Variants in CRPPA observed in about 807,000 individuals in gnomAD.
CRPPA encodes D-ribitol-5-phosphate cytidylyltransferase.
In CRPPA, 43 loss-of-function variants were observed where a neutral mutation model predicts 52.0. The observed-to-expected ratio is 0.83, with a 90% CI of 0.65 to 1.07. The LOEUF (loss-of-function observed/expected upper bound fraction) is 1.07. Ranked by LOEUF, CRPPA falls within the 50% of genes least tolerant of loss-of-function variation. The probability of loss-of-function intolerance (pLI) is 0.00; values close to 1 mark genes in which losing one functional copy is unlikely to be tolerated. For synonymous variants in CRPPA, 250 were observed against 203.5 expected, an observed-to-expected ratio of 1.23 and a Z score of -1.94; for missense variants, 629 against 551.7, an observed-to-expected ratio of 1.14 and a Z score of -1.40.
At chr7:16,099,432 G>A (rs1454640226) in intron 9 of CRPPA, among the ~76,000 whole-genome samples, 1 of 138,358 alleles carries the variant, frequency 7.2e-6, no homozygotes, top group Non-Finnish European at 1.6e-5. Context: ...GGGAAGGGGA[G>A]GGAAAAAGGA....
At chr7:16,096,571 T>A (rs998251021) in intron 9 of CRPPA, among the ~76,000 whole-genome samples, 4 of 151,880 alleles carry the variant, frequency 2.6e-5, no homozygotes, top group African/African-American at 2.4e-5. Flanking sequence ...AAAAAAAAAA[T>A]TTGTTTTATC....
chr7:16,155,486 G>A (rs1033402408), intron 9 of CRPPA, among the ~76,000 whole-genome samples: 3 of 152,128 alleles, frequency 2.0e-5, no homozygotes, highest in Non-Finnish European at 4.4e-5. Context: ...TTCTGCCTCT[G>A]CCACCCAACA....
chr7:16,407,770 T>C (rs1050160228), intron 1 of CRPPA, among the ~76,000 whole-genome samples: 3 of 152,164 alleles, frequency 2.0e-5, no homozygotes, highest in African/African-American at 7.2e-5. Context: ...TACTGCCTTT[T>C]CATTTTAAGC....
intron 8 of CRPPA, among the ~76,000 whole-genome samples, chr7:16,243,874 G>A (rs1237316670): frequency 6.6e-6 from 1 of 152,130 alleles, no homozygotes; most frequent in African/African-American, 2.4e-5. Context: ...GGCTGAGGCA[G>A]GAGGATCACT....
intron 4 of CRPPA, among the ~76,000 whole-genome samples, chr7:16,306,126 A>T (rs1784906050): frequency 6.6e-6 from 1 of 152,120 alleles, no homozygotes; most frequent in Non-Finnish European, 1.5e-5. Flanking sequence ...TACAGATATT[A>T]GTCATATTAG....
rs3083131 is a variant in CRPPA at position 16,125,888 on chromosome 7, T to TACACAC, written c.1252-34095_1252-34090dup. Among the ~76,000 whole-genome samples the TACACAC allele has an allele frequency of 1.3e-3, 173 of 134,232 alleles. 1 individual carries two copies. The highest frequency in any genetic ancestry group is 4.2e-3 in the African/African-American group (151 of 35,568). The allele number at this position is 134,232 out of a possible 152,430, so 88.1% of individuals were successfully genotyped here. On this transcript the variant is annotated intron_variant, in intron 9 of 9. Transcript: ENST00000407010. The stretch of plus-strand genomic sequence containing the variant: ...GTTAGATGTACAATAGAAGCTTGCC[T>TACACAC]ACACACACACACACACACACACACA...
At chr7:16,223,286 A>T (rs1782569300) in intron 8 of CRPPA, among the ~76,000 whole-genome samples, 1 of 152,222 alleles carries the variant, frequency 6.6e-6, no homozygotes, top group African/African-American at 2.4e-5. Context: ...TGTTACTTAG[A>T]TGCCATCTAC....
At chr7:16,219,047 G>T (rs575942293) in intron 8 of CRPPA, among the ~76,000 whole-genome samples, 2 of 152,218 alleles carry the variant, frequency 1.3e-5, no homozygotes, top group African/African-American at 4.8e-5. Context: ...TGGAAGTAAG[G>T]CTCTCCTCAG....
intron 2 of CRPPA, among the ~76,000 whole-genome samples, chr7:16,399,909 CGTGT>C (rs373614679): frequency 6.6e-6 from 1 of 151,974 alleles, no homozygotes; most frequent in Non-Finnish European, 1.5e-5. Context: ...GTGATCAACA[CGTGT>C]GTGACAGGCG....
chr7:16,270,978 C>T (rs998052743), intron 6 of CRPPA, among the ~76,000 whole-genome samples: 1 of 151,790 alleles, frequency 6.6e-6, no homozygotes, highest in African/African-American at 2.4e-5. Context: ...GATCCATACA[C>T]TGGACACAAC....
At chr7:16,353,356 C>T (rs763499367) in intron 3 of CRPPA, among the ~76,000 whole-genome samples, 2 of 151,500 alleles carry the variant, frequency 1.3e-5, no homozygotes, top group African/African-American at 4.9e-5. Context: ...TGTCTCTAAA[C>T]ATTAAGTAAA....
At chr7:16,256,530 T>C (rs1245030936) in intron 8 of CRPPA, among the ~76,000 whole-genome samples, 1 of 152,154 alleles carries the variant, frequency 6.6e-6, no homozygotes, top group Non-Finnish European at 1.5e-5. Flanking sequence ...CCATCAGTGA[T>C]AGACTGGATA....
At chr7:16,324,427 T>C (rs995779320) in intron 3 of CRPPA, among the ~76,000 whole-genome samples, 2 of 152,220 alleles carry the variant, frequency 1.3e-5, no homozygotes, top group African/African-American at 4.8e-5. Context: ...ATGAACCAGT[T>C]TGCTGTTTCT....
At chr7:16,096,981 A>G (rs78347073) in intron 9 of CRPPA, among the ~76,000 whole-genome samples, 1 of 152,298 alleles carries the variant, frequency 6.6e-6, no homozygotes, top group Non-Finnish European at 1.5e-5. Context: ...TGGAGGAAAA[A>G]CAAATTATTT....
intron 9 of CRPPA, among the ~76,000 whole-genome samples, chr7:16,158,319 T>G (rs1783231302): frequency 2.6e-5 from 4 of 152,122 alleles, no homozygotes; most frequent in Admixed American, 1.3e-4. Flanking sequence ...TATATACATT[T>G]CCCCTTCTGA....
chr7:16,345,826 C>G (rs1429331018), intron 3 of CRPPA, among the ~76,000 whole-genome samples: 1 of 152,122 alleles, frequency 6.6e-6, no homozygotes, highest in Non-Finnish European at 1.5e-5. Flanking sequence ...GTATAGAAAT[C>G]TGCTGCTACA....
At chr7:16,266,779 C>T (rs1783966519) in intron 6 of CRPPA, among the ~76,000 whole-genome samples, 1 of 152,068 alleles carries the variant, frequency 6.6e-6, no homozygotes, top group Non-Finnish European at 1.5e-5. Context: ...GTGCCCAGCC[C>T]CGTTTTATTA....
chr7:16,129,587 T>C (rs1362161473), intron 9 of CRPPA, among the ~76,000 whole-genome samples: 3 of 152,082 alleles, frequency 2.0e-5, no homozygotes, highest in African/African-American at 4.8e-5. Flanking sequence ...ACATCATCTG[T>C]TTTTGCTCAG....
At chr7:16,282,749 A>G (rs570276032) in intron 5 of CRPPA, among the ~76,000 whole-genome samples, 141 of 152,106 alleles carry the variant, frequency 9.3e-4, no homozygotes, top group Non-Finnish European at 1.6e-3. Flanking sequence ...GAGGTAAAAT[A>G]ACATCATAAG....
Sources: allele counts gnomAD v4.1 joint callset (sites outside exome capture counted in the v4.1 genomes callset), GRCh38; gene constraint gnomAD v4.1.1; transcripts MANE v1.5; gene names NCBI Gene and HGNC (gene_info 2026-07-23, HGNC 2026-07-21).